The following LRPPRC variants were observed in gnomAD, a reference collection of about 807,000 sequenced individuals.
The protein encoded by LRPPRC is leucine rich pentatricopeptide repeat containing.
In LRPPRC, 120 loss-of-function variants were observed where a neutral mutation model predicts 180.3. That is an observed-to-expected ratio of 0.67 (90% CI 0.57 to 0.77). The LOEUF is 0.77. Ranked by LOEUF, LRPPRC falls within the 30% of genes least tolerant of loss-of-function variation. The pLI is 0.00. For missense variants in LRPPRC, 2,012 were observed against 1,657.2 expected (o/e 1.21, Z -3.72); for synonymous variants, 723 against 600.0 (o/e 1.21, Z -3.00).
Position 43,893,467 on chromosome 2 carries a change from C to A in LRPPRC, c.3985+1078G>T, listed in dbSNP as rs112833885. On this transcript the variant is annotated intron_variant, in intron 36 of 37. Transcript: ENST00000260665. ...ATCATCACCCTGATCATTCAGCAGC[C>A]ATCAACATTGAGCCAAGACCTTCTA... Among the ~76,000 whole-genome samples, 1,048 of 152,308 alleles carry A rather than the reference C, an allele frequency of 6.9e-3. 11 individuals are homozygous for A. The highest frequency in any genetic ancestry group is 0.024 in the African/African-American group (996 of 41,566).
chr2:43,909,630 T>C (rs1232407848), intron 30 of LRPPRC, among the ~76,000 whole-genome samples: 1 of 149,432 alleles, frequency 6.7e-6, no homozygotes. Context: ...ATAATAATAA[T>C]AATAATAATA....
rs529534541 is a variant in LRPPRC at position 43,956,696 on chromosome 2, C to A, written c.1649+689G>T. Among the ~76,000 whole-genome samples, 10 of 152,222 alleles carry A rather than the reference C, an allele frequency of 6.6e-5. No homozygotes were observed. In the South Asian group the frequency reaches 2.1e-3, roughly 32 times the overall value. ...CCTGAGGTCAGGAGTTCGAGACCAA[C>A]CTGGCCAACATGGTGAAACCCCATC... On this transcript the variant is annotated intron_variant, in intron 14 of 37. Transcript: ENST00000260665.
At chr2:43,953,485 T>C (rs1486218616) in intron 14 of LRPPRC, among the ~76,000 whole-genome samples, 2 of 152,342 alleles carry the variant, frequency 1.3e-5, no homozygotes, top group African/African-American at 4.8e-5. Context: ...TGGAGGCTCC[T>C]GGGTAGTGTC....
At chr2:43,889,589 C>G (rs915040406) in intron 37 of LRPPRC, 145 bp downstream of exon 37, 4 of 743,142 alleles carry the variant, frequency 5.4e-6, no homozygotes, top group Non-Finnish European at 9.7e-6. Context: ...GCATGCTGCT[C>G]AGTCCCTCAA....
intron 29 of LRPPRC, among the ~76,000 whole-genome samples, chr2:43,915,232 TCACACACACACACACACACACA>T (rs375631611): frequency 4.2e-4 from 22 of 51,874 alleles, no homozygotes; most frequent in African/African-American, 1.3e-3. Flanking sequence ...TCTCTCTCTC[TCACACACACACACACACACACA>T]CACACACACA....
intron 23 of LRPPRC, among the ~76,000 whole-genome samples, chr2:43,935,735 TTC>T (rs1329070148): frequency 2.0e-5 from 3 of 152,324 alleles, no homozygotes; most frequent in Admixed American, 6.5e-5. Context: ...TTTTTGTAAT[TTC>T]TCTCTTACCA....
chr2:43,989,028 C>T (rs1674657340), intron 1 of LRPPRC, among the ~76,000 whole-genome samples: 1 of 152,112 alleles, frequency 6.6e-6, no homozygotes, highest in African/African-American at 2.4e-5. Context: ...GTGCATGCCA[C>T]CACAGCTGGC....
intron 12 of LRPPRC, among the ~76,000 whole-genome samples, chr2:43,962,299 C>T (rs978828312): frequency 8.5e-5 from 13 of 152,084 alleles, no homozygotes; most frequent in Non-Finnish European, 1.9e-4. Context: ...ATGTATAGTA[C>T]AGGCTCAACA....
chr2:43,913,320 T>C (rs767172614), intron 29 of LRPPRC, among the ~76,000 whole-genome samples: 7 of 152,166 alleles, frequency 4.6e-5, no homozygotes, highest in African/African-American at 7.2e-5. Flanking sequence ...GAAACTACAA[T>C]CTACTCCCTT....
chr2:43,996,006 G>T, upstream of LRPPRC: 4 of 1,508,318 alleles, frequency 2.7e-6, no homozygotes, highest in South Asian at 3.6e-5. Context: ...AGGAGCATGT[G>T]ACCGCAGGGT....
Position 43,886,466 on chromosome 2 carries a change from T to C in LRPPRC, c.*2134A>G, listed in dbSNP as rs1372112260. 1 of 152,182 alleles carries C rather than the reference T, an allele frequency of 6.6e-6. No homozygotes were observed. The highest frequency in any genetic ancestry group is 1.5e-5 in the Non-Finnish European group (1 of 68,030). 9.4% of individuals were successfully genotyped at this position (152,182 alleles called of 1,614,324 possible). ...AGAACACTCATAAGCCCACCTACAG[T>C]ATAGTTATTATACTTTAAATATTTA... On this transcript the variant is annotated 3_prime_UTR_variant, in exon 38 of 38. Coordinates refer to ENST00000260665, the MANE Select transcript of LRPPRC (RefSeq NM_133259.4).
chr2:43,945,365 C>G lies in LRPPRC; in HGVS notation c.2263G>C (p.Val755Leu), dbSNP rs761057779. 1.2e-6 allele frequency: 2 copies of G among 1,612,600 alleles called. No individual in the cohort carries two copies. Among genetic ancestry groups the G allele is most frequent in the Admixed American group, 1.7e-5 (1 of 59,976 alleles). ...TTGCCATGCTTTGCCAATACTCTTA[C>G]AAGGCCTACATACTTGCCGGTGTCA... ...VLDTGKYVGL[V>L]RVLAKHGKLQ... The change falls in exon 22 of 38, where the codon GTA (valine) becomes CTA (leucine). Residue 755 changes from valine (V) to leucine (L), a missense_variant. By Grantham distance (32) the Val-to-Leu change is conservative. Coordinates refer to ENST00000260665, the MANE Select transcript of LRPPRC (RefSeq NM_133259.4).
rs188730047 is a variant in LRPPRC at position 43,965,306 on chromosome 2, G to A, written c.1370-1600C>T. ...GAACCCCTGACCTCGTGATCTGCCCGCCTCAGCCTCCCAAAGTGTTGGGAT... is the reference window on the plus strand; with the variant it reads ...GAACCCCTGACCTCGTGATCTGCCCACCTCAGCCTCCCAAAGTGTTGGGAT... On this transcript the variant is annotated intron_variant, in intron 11 of 37. Coordinates refer to ENST00000260665, the MANE Select transcript of LRPPRC (RefSeq NM_133259.4). Among the ~76,000 whole-genome samples, 35 of 152,184 alleles carry A rather than the reference G, an allele frequency of 2.3e-4. 1 individual carries two copies. The East Asian group carries it at 5.2e-3, about 23-fold the overall frequency.
In LRPPRC at chr2:43,975,047, T is replaced by C. The variant is rs1372474454; in HGVS notation, c.864+44A>G. The C allele has an allele frequency of 1.1e-5, 18 of 1,598,200 alleles. No individual in the cohort carries two copies. The Admixed American group carries it at 3.0e-4, about 27-fold the overall frequency. On this transcript the variant is annotated intron_variant, in intron 7 of 37. Coordinates refer to ENST00000260665, the MANE Select transcript of LRPPRC (RefSeq NM_133259.4). ...CTCATGTAAAACATAACACAAATTT[T>C]TACAAATGATTTTAAAGTATGTTTA...
At chr2:43,941,213 T>C (rs1672468891) in intron 23 of LRPPRC, among the ~76,000 whole-genome samples, 1 of 152,194 alleles carries the variant, frequency 6.6e-6, no homozygotes, top group Non-Finnish European at 1.5e-5. Context: ...TCCTGTGTTT[T>C]GTCCAATGCT....
chr2:43,940,046 C>T (rs190306662), intron 23 of LRPPRC, among the ~76,000 whole-genome samples: 1 of 152,298 alleles, frequency 6.6e-6, no homozygotes, highest in East Asian at 1.9e-4. Context: ...TGTCATTTAC[C>T]AATCATCCTT....
intron 14 of LRPPRC, among the ~76,000 whole-genome samples, chr2:43,954,692 C>G (rs190709930): frequency 2.6e-5 from 4 of 152,058 alleles, no homozygotes; most frequent in Non-Finnish European, 4.4e-5. Context: ...TGCACAAACA[C>G]ATATACATAT....
chr2:43,953,302 G>C (rs2103634358), intron 14 of LRPPRC, among the ~76,000 whole-genome samples: 1 of 152,274 alleles, frequency 6.6e-6, no homozygotes, highest in East Asian at 1.9e-4. Flanking sequence ...ATATTCTTAT[G>C]AAAAATGCCA....
chr2:43,974,287 T>G lies in LRPPRC; in HGVS notation c.1018A>C (p.Asn340His). ...CERRYIPDAM[N>H]LILLLVTEKL... is the part of the protein sequence containing the mutation. ...TCAGTGACTAAAAGTAAAATGAGGT[T>G]CATTGCATCTGGGAAGAAAACAAAG... Residue 340 changes from asparagine to histidine, a missense_variant, in exon 9 of 38, where the codon AAC becomes CAC. Asn to His is a moderately conservative substitution (Grantham distance 68). Coordinates refer to ENST00000260665, the MANE Select transcript of LRPPRC (RefSeq NM_133259.4). The G allele has an allele frequency of 6.2e-7, 1 of 1,610,956 alleles. No individual in the cohort carries two copies. The highest frequency in any genetic ancestry group is 8.5e-7 in the Non-Finnish European group (1 of 1,177,082).
Sources: gnomAD v4.1 joint callset for allele counts (sites outside exome capture counted in the v4.1 genomes callset) on GRCh38, gnomAD v4.1.1 for gene constraint, MANE v1.5 for transcripts, NCBI Gene and HGNC (gene_info 2026-07-23, HGNC 2026-07-21) for gene names.